Variants in IFT88 observed in about 807,000 individuals in gnomAD.
IFT88 encodes intraflagellar transport protein 88 homolog.
A neutral mutation model predicts 119.5 loss-of-function variants in IFT88; 74 were observed. That is an observed-to-expected ratio of 0.62 (90% CI 0.51 to 0.75). The LOEUF is 0.75. IFT88 is among the 30% of genes least tolerant of loss of function. The pLI, the probability that IFT88 is intolerant of heterozygous loss-of-function variation, is 0.00. For missense variants in IFT88, 961 were observed against 977.7 expected (o/e 0.98, Z 0.23); for synonymous variants, 279 against 316.7 (o/e 0.88, Z 1.26).
At chr13:20,588,531 G>T (rs554024506) in intron 3 of IFT88, among the ~76,000 whole-genome samples, 2 of 152,238 alleles carry the variant, frequency 1.3e-5, no homozygotes, top group South Asian at 4.1e-4. Flanking sequence ...GCACTACTCA[G>T]TATGAGAGAC....
Position 20,614,836 on chromosome 13 carries a change from G to A in IFT88, c.1113-957G>A, listed in dbSNP as rs577465484. On this transcript the variant is annotated intron_variant, in intron 13 of 25. Transcript: ENST00000351808. Reference sequence around the variant, plus strand: ...TCTTTTCTTTTTTTTTTTTTTTTGAGACGGAGTCTCACTCTATCACCCAGG... The same window carrying A: ...TCTTTTCTTTTTTTTTTTTTTTTGAAACGGAGTCTCACTCTATCACCCAGG... Among the ~76,000 whole-genome samples, 318 of 54,500 alleles carry A rather than the reference G, an allele frequency of 5.8e-3. 3 individuals carry two copies. The highest frequency in any genetic ancestry group is 0.012 in the African/African-American group (308 of 25,326). 35.8% of individuals were successfully genotyped at this position (54,500 alleles called of 152,430 possible). A position where few individuals can be genotyped will look rare whatever the true frequency, so the allele number is the denominator to read the frequency against.
chr13:20,645,255 A>G (rs1333927403), intron 20 of IFT88, among the ~76,000 whole-genome samples: 1 of 151,996 alleles, frequency 6.6e-6, no homozygotes, highest in African/African-American at 2.4e-5. Context: ...ATGCCTGGCT[A>G]ATTTTTTGTA....
At chr13:20,662,211 C>CT (rs980698615) in intron 22 of IFT88, among the ~76,000 whole-genome samples, 3 of 152,154 alleles carry the variant, frequency 2.0e-5, no homozygotes, top group South Asian at 2.1e-4. Flanking sequence ...CCAGCAAACT[C>CT]TAACAGACCT....
chr13:20,609,120 C>T (rs1232549436), intron 13 of IFT88, among the ~76,000 whole-genome samples: 1 of 152,036 alleles, frequency 6.6e-6, no homozygotes, highest in African/African-American at 2.4e-5. Flanking sequence ...TCCCCATTAC[C>T]CTATGCGTTA....
intron 21 of IFT88, among the ~76,000 whole-genome samples, chr13:20,655,488 C>T (rs9509317): frequency 0.91 from 137,365 of 150,754 alleles, 62,678 homozygotes; most frequent in East Asian, 1. Flanking sequence ...ATTTATTTAT[C>T]CATTCATTCA....
chr13:20,682,562 C>T (rs1178748443), intron 24 of IFT88, among the ~76,000 whole-genome samples: 1 of 152,194 alleles, frequency 6.6e-6, no homozygotes, highest in African/African-American at 2.4e-5. Context: ...TTCTGTGGCA[C>T]TACTGTAGTG....
chr13:20,576,583 A>T (rs1297331449), intron 2 of IFT88, among the ~76,000 whole-genome samples: 1 of 152,138 alleles, frequency 6.6e-6, no homozygotes, highest in Admixed American at 6.6e-5. Flanking sequence ...ATTCTTCTGC[A>T]TGTGGATATT....
intron 1 of IFT88, among the ~76,000 whole-genome samples, chr13:20,573,676 ACT>A (rs2036825337): frequency 6.6e-6 from 1 of 152,062 alleles, no homozygotes; most frequent in Non-Finnish European, 1.5e-5. Context: ...ACGTGTGAAT[ACT>A]CTGGTTGCTC....
Position 20,567,160 on chromosome 13 carries a change from G to A in IFT88, c.-103G>A, listed in dbSNP as rs932979011. 4 of 152,196 alleles carry A rather than the reference G, an allele frequency of 2.6e-5. No homozygotes were observed. The highest frequency in any genetic ancestry group is 9.7e-5 in the African/African-American group (4 of 41,422). 9.4% of individuals were successfully genotyped at this position (152,196 alleles called of 1,614,324 possible). ...GGAGGACTGTGGGAGCGGCTTCCTT[G>A]GATTCCGCGCTTGGCAACGGCTCGG... is the stretch of plus-strand genomic sequence containing the variant. On this transcript the variant is annotated 5_prime_UTR_variant, in exon 1 of 26. Transcript: ENST00000351808.
At chr13:20,670,847 T>A in intron 23 of IFT88, 126 bp from the exon 24 acceptor site, 2 of 530,366 alleles carry the variant, frequency 3.8e-6, no homozygotes, top group Non-Finnish European at 6.1e-6. Context: ...TAGAATCAAC[T>A]CTCAGGTATG....
At chr13:20,627,124 A>G (rs191191268) in intron 15 of IFT88, among the ~76,000 whole-genome samples, 80 of 152,358 alleles carry the variant, frequency 5.3e-4, no homozygotes, top group African/African-American at 1.8e-3. Flanking sequence ...GTTCCATTGC[A>G]TATGTTAATT....
chr13:20,680,292 C>T (rs1323307034), intron 24 of IFT88, among the ~76,000 whole-genome samples: 1 of 152,128 alleles, frequency 6.6e-6, no homozygotes. Context: ...ATAGGTAAAT[C>T]CTCAAATCCC....
At chr13:20,660,358 G>A (rs2053583723) in intron 22 of IFT88, among the ~76,000 whole-genome samples, 1 of 152,178 alleles carries the variant, frequency 6.6e-6, no homozygotes, top group South Asian at 2.1e-4. Context: ...GATCCTCACA[G>A]GCCTTAGGTC....
intron 7 of IFT88, 93 bp downstream of exon 7, chr13:20,592,497 T>G: frequency 8.0e-5 from 63 of 789,522 alleles, no homozygotes; most frequent in Non-Finnish European, 1.2e-4. Flanking sequence ...TGAGATGATA[T>G]CTCACTCTGT....
chr13:20,595,331 G>C (rs781481018), intron 7 of IFT88, among the ~76,000 whole-genome samples: 31 of 151,994 alleles, frequency 2.0e-4, no homozygotes, highest in Non-Finnish European at 3.4e-4. Flanking sequence ...ACCCAGGCTG[G>C]AGTATGGAGT....
intron 24 of IFT88, among the ~76,000 whole-genome samples, chr13:20,689,440 A>AGCAGTTCTGTGAG (rs2058272822): frequency 1.3e-5 from 2 of 152,336 alleles, no homozygotes; most frequent in East Asian, 3.9e-4. Flanking sequence ...TTCCTCAGTG[A>AGCAGTTCTGTGAG]GCAGTTCTGT....
intron 13 of IFT88, among the ~76,000 whole-genome samples, chr13:20,607,101 T>A (rs902148690): frequency 3.9e-5 from 6 of 152,128 alleles, no homozygotes; most frequent in African/African-American, 1.4e-4. Flanking sequence ...AACTAGGTGA[T>A]CCTGAGTGCC....
Position 20,662,279 on chromosome 13 carries a change from A to G in IFT88, c.2069-1219A>G, listed in dbSNP as rs1446700178. Among the ~76,000 whole-genome samples, 5 of 152,048 alleles carry G rather than the reference A, an allele frequency of 3.3e-5. No individual in the cohort carries two copies. The East Asian group carries it at 9.6e-4, about 29-fold the overall frequency. On this transcript the variant is annotated intron_variant, in intron 22 of 25. Transcript: ENST00000351808. The stretch of plus-strand genomic sequence containing the variant: ...CTAAAAAACAGAAAGGAATAGCATC[A>G]ACATCAACAAAAAGGATACCCACAA...
chr13:20,669,721 G>A (rs918780222), intron 23 of IFT88, among the ~76,000 whole-genome samples: 4 of 152,230 alleles, frequency 2.6e-5, no homozygotes, highest in African/African-American at 9.6e-5. Flanking sequence ...ACCACACCGG[G>A]CCTATTTTCA....
Sources: gnomAD v4.1 joint callset for allele counts (sites outside exome capture counted in the v4.1 genomes callset) on GRCh38, gnomAD v4.1.1 for gene constraint, MANE v1.5 for transcripts, NCBI Gene and HGNC (gene_info 2026-07-23, HGNC 2026-07-21) for gene names.